The following SH2D5 variants were observed in gnomAD, a reference collection of about 807,000 sequenced individuals.
SH2D5 encodes the protein SH2 domain containing 5, also known as SH2 domain-containing protein 5.
A neutral mutation model predicts 48.2 loss-of-function variants in SH2D5; 45 were observed. That is an observed-to-expected ratio of 0.93 (90% CI 0.73 to 1.20). SH2D5 has a LOEUF of 1.20. SH2D5 is among the 50% of genes most tolerant of loss of function. The pLI is 0.00. For synonymous variants in SH2D5, 230 were observed against 249.8 expected (o/e 0.92, Z 0.75); for missense variants, 538 against 584.1 (o/e 0.92, Z 0.81).
chr1:20,722,471 C>A lies in SH2D5; in HGVS notation c.1068+285G>T, dbSNP rs576138452. 8.5e-4 allele frequency among the ~76,000 whole-genome samples: 130 copies of A among 152,334 alleles called. 1 individual carries two copies. Among genetic ancestry groups the A allele is most frequent in the African/African-American group, 2.2e-3 (90 of 41,576 alleles). Reference sequence around the variant, plus strand: ...GGGTCCTCGGTGACCAGGCACCTCCCTTCCCCTCCAAGAGCCTTCAGGTCA... The same window carrying A: ...GGGTCCTCGGTGACCAGGCACCTCCATTCCCCTCCAAGAGCCTTCAGGTCA... On this transcript the variant is annotated intron_variant, in intron 9 of 9. Transcript: ENST00000444387.
At position 20,729,578 on chromosome 1, in the gene SH2D5, C is replaced by G. The variant is rs1447335977; in HGVS notation, c.-42-1492G>C. ...GCTTGGGAGGACAGCGGGGTCTGACCACTTCTGCTCCCCTCCTTGTCCTTG... is the reference window on the plus strand; with the variant it reads ...GCTTGGGAGGACAGCGGGGTCTGACGACTTCTGCTCCCCTCCTTGTCCTTG... On this transcript the variant is annotated intron_variant, in intron 1 of 9. Transcript: ENST00000444387. The surrounding 1 kb of genome is among the most constrained non-coding windows in gnomAD (Gnocchi z 4.2). Among the ~76,000 whole-genome samples the G allele has an allele frequency of 5.3e-5, 8 of 152,168 alleles. No homozygotes were observed. The highest frequency in any genetic ancestry group is 1.0e-4 in the Non-Finnish European group (7 of 68,038).
chr1:20,724,877 T>C (rs1477908532), intron 5 of SH2D5, among the ~76,000 whole-genome samples: 1 of 152,240 alleles, frequency 6.6e-6, no homozygotes, highest in East Asian at 1.9e-4. Flanking sequence ...GGCATCACGC[T>C]TGGAGCAGAG....
At chr1:20,726,148 A>G (rs907321443) in intron 4 of SH2D5, 82 bp from the exon 5 acceptor site, 2 of 1,454,480 alleles carry the variant, frequency 1.4e-6, no homozygotes, top group African/African-American at 2.9e-5. Flanking sequence ...GGGTGAAGAA[A>G]CCCTCCCTCC....
At position 20,724,384 on chromosome 1, in the gene SH2D5, G is replaced by A; in HGVS notation, c.630+12C>T. 1 of 1,611,250 alleles carries A rather than the reference G, an allele frequency of 6.2e-7. No homozygotes were observed. Reference sequence around the variant, plus strand: ...TGTCCACTGCCCACTCCTTGGCTGGGGTGCTGCGTACCCCACTGCCCACCA... The same window carrying A: ...TGTCCACTGCCCACTCCTTGGCTGGAGTGCTGCGTACCCCACTGCCCACCA... On this transcript the variant is annotated intron_variant, in intron 6 of 9. Coordinates refer to ENST00000444387, the MANE Select transcript of SH2D5 (RefSeq NM_001103161.2).
At chr1:20,727,352 C>A (rs2054821330) in intron 3 of SH2D5, 171 bp downstream of exon 3, 1 of 681,680 alleles carries the variant, frequency 1.5e-6, no homozygotes, top group Non-Finnish European at 2.6e-6. Flanking sequence ...TAGCCCAGGG[C>A]ATAAGGGATG....
intron 2 of SH2D5, 125 bp from the exon 3 acceptor site, chr1:20,727,728 C>T (rs2054829767): frequency 2.0e-6 from 2 of 1,010,652 alleles, no homozygotes; most frequent in East Asian, 2.6e-5. Flanking sequence ...AGACAGAGCT[C>T]GATTCTCGGA....
Position 20,725,903 on chromosome 1 carries a change from C to T in SH2D5, c.390+17G>A. ...CTCCGGCCTCCGTGGCGGTCCCCTG[C>T]CTCAAGCCCCAGATACCTCTCCTGG... is the stretch of plus-strand genomic sequence containing the variant. On this transcript the variant is annotated intron_variant, in intron 5 of 9. Coordinates refer to ENST00000444387, the MANE Select transcript of SH2D5 (RefSeq NM_001103161.2). The T allele has an allele frequency of 1.2e-6, 2 of 1,611,808 alleles. No individual in the cohort carries two copies. Among genetic ancestry groups the T allele is most frequent in the Non-Finnish European group, 1.7e-6 (2 of 1,179,452 alleles).
In SH2D5 at chr1:20,723,835, T is replaced by G. The variant is rs1405119821; in HGVS notation, c.800-101A>C. The stretch of plus-strand genomic sequence containing the variant: ...CAGGGTGGTGTCCTCCCCAAGCCTC[T>G]CTACCCTGCTCAGCAGACATATCTG... On this transcript the variant is annotated intron_variant, in intron 7 of 9. Coordinates refer to ENST00000444387, the MANE Select transcript of SH2D5 (RefSeq NM_001103161.2). 8 of 1,066,612 alleles carry G rather than the reference T, an allele frequency of 7.5e-6. No individual in the cohort carries two copies. In the South Asian group the frequency reaches 1.0e-4, roughly 13 times the overall value. 66.1% of individuals were successfully genotyped at this position (1,066,612 alleles called of 1,614,324 possible). A position where few individuals can be genotyped will look rare whatever the true frequency, so the allele number is the denominator to read the frequency against.
Position 20,728,105 on chromosome 1 carries a change from G to A in SH2D5, c.-42-19C>T, listed in dbSNP as rs1049780567. 4.8e-6 allele frequency: 6 copies of A among 1,251,680 alleles called. No homozygotes were observed. Among genetic ancestry groups the A allele is most frequent in the East Asian group, 2.5e-5 (1 of 39,362 alleles). The allele number at this position is 1,251,680 out of a possible 1,614,324, so 77.5% of individuals were successfully genotyped here. On this transcript the variant is annotated intron_variant, in intron 1 of 9. Coordinates refer to ENST00000444387, the MANE Select transcript of SH2D5 (RefSeq NM_001103161.2). The surrounding 1 kb of genome is among the most constrained non-coding windows in gnomAD (Gnocchi z 4.3). ...GGGGAGGCTGCAAAGGGCAGGGGGGGAAGGGCTGCTTTCGAGGCAGGCAAG... is the reference window on the plus strand; with the variant it reads ...GGGGAGGCTGCAAAGGGCAGGGGGGAAAGGGCTGCTTTCGAGGCAGGCAAG...
rs1392565675 is a variant in SH2D5, at chr1:20,721,770, TGTGGGACCGGGGCC to T, written c.*8_*21del. ...CCAGGAGCCGGGGTGAGGCGGGGCCTGTGGGACCGGGGCCCTACCTCTTAGCCCAGGCCCTGCAG... is the reference window on the plus strand; with the variant it reads ...CCAGGAGCCGGGGTGAGGCGGGGCCTCTACCTCTTAGCCCAGGCCCTGCAG... On this transcript the variant is annotated 3_prime_UTR_variant, in exon 10 of 10. Coordinates refer to ENST00000444387, the MANE Select transcript of SH2D5 (RefSeq NM_001103161.2). The T allele has an allele frequency of 6.7e-7, 1 of 1,497,496 alleles. No individual in the cohort carries two copies. The highest frequency in any genetic ancestry group is 8.9e-7 in the Non-Finnish European group (1 of 1,117,520). The allele number at this position is 1,497,496 out of a possible 1,614,324, so 92.8% of individuals were successfully genotyped here.
rs773253146 is a variant in SH2D5, at chr1:20,727,559, G to A, written c.132C>T (p.Ser44=). ...ACAGCTGCTGCTGCACCAGCCACAC[G>A]CTCTCCTGGGTGTCCAGGTCATCCA... ...FPVDDLDTQE[S]VWLVQQQLWA... The change falls in exon 3 of 10, where the codon AGC becomes AGT. Residue 44 remains serine, a synonymous_variant. Transcript: ENST00000444387. 7 of 1,609,882 alleles carry A rather than the reference G, an allele frequency of 4.3e-6. No homozygotes were observed. In the Admixed American group the frequency reaches 5.0e-5, roughly 12 times the overall value.
intron 1 of SH2D5, among the ~76,000 whole-genome samples, chr1:20,730,010 G>A (rs1021770898): frequency 2.0e-5 from 3 of 152,158 alleles, no homozygotes; most frequent in Non-Finnish European, 2.9e-5. Context: ...ATGTGCAACC[G>A]GCACTAAAGC....
rs993925313 is a variant in SH2D5 at position 20,723,974 on chromosome 1, C to T, written c.799+109G>A. The T allele has an allele frequency of 1.2e-5, 16 of 1,387,030 alleles. No individual in the cohort carries two copies. In the African/African-American group the frequency reaches 1.3e-4, roughly 11 times the overall value. 85.9% of individuals were successfully genotyped at this position (1,387,030 alleles called of 1,614,324 possible). A position where few individuals can be genotyped will look rare whatever the true frequency, so the allele number is the denominator to read the frequency against. On this transcript the variant is annotated intron_variant, in intron 7 of 9. Transcript: ENST00000444387. ...AGTGCACAGGCATCACTTGGAGGTG[C>T]GGCCACAGCCTTGCAGGAACGGGCA...
At position 20,721,757 on chromosome 1, in the gene SH2D5, G is replaced by T. The variant is rs1169791355; in HGVS notation, c.*35C>A. 2.0e-6 allele frequency: 3 copies of T among 1,471,164 alleles called. No individual in the cohort carries two copies. The African/African-American group carries it at 4.2e-5, about 21-fold the overall frequency. 91.1% of individuals were successfully genotyped at this position (1,471,164 alleles called of 1,614,324 possible). A position where few individuals can be genotyped will look rare whatever the true frequency, so the allele number is the denominator to read the frequency against. On this transcript the variant is annotated 3_prime_UTR_variant, in exon 10 of 10. Transcript: ENST00000444387. ...ATGCTGCTGGGGCCCAGGAGCCGGG[G>T]TGAGGCGGGGCCTGTGGGACCGGGG...
chr1:20,731,510 GC>G, intron 1 of SH2D5: 1 of 152,704 alleles, frequency 6.5e-6, no homozygotes, highest in Non-Finnish European at 1.5e-5. Flanking sequence ...TGTGTGTCAG[GC>G]CCCGCCGCCG....
In SH2D5 at chr1:20,725,981, T is replaced by C; in HGVS notation, c.329A>G (p.Asn110Ser). 2 of 1,612,970 alleles carry C rather than the reference T, an allele frequency of 1.2e-6. No homozygotes were observed. Among genetic ancestry groups the C allele is most frequent in the Non-Finnish European group, 1.7e-6 (2 of 1,179,896 alleles). Reference sequence around the variant, plus strand: ...GAGCTTGCTGGCTGGGCTCCGTGGGTTTCGAGCCATGAAGGCAAACTGGCA... The same window carrying C: ...GAGCTTGCTGGCTGGGCTCCGTGGGCTTCGAGCCATGAAGGCAAACTGGCA... Reference protein sequence around the residue: ...ADCQFAFMARNPRSPASKLFC... With the variant: ...ADCQFAFMARSPRSPASKLFC... The change falls in exon 5 of 10, where the codon AAC (asparagine) becomes AGC (serine). Residue 110 changes from asparagine to serine, a missense_variant. By Grantham distance (46) the Asn-to-Ser change is conservative. Transcript: ENST00000444387.
chr1:20,725,818 G>T, intron 5 of SH2D5, 102 bp downstream of exon 5: 1 of 1,441,664 alleles, frequency 6.9e-7, no homozygotes, highest in Non-Finnish European at 9.4e-7. Context: ...GCCTGGAGGG[G>T]GATCAGGCCG....
rs762509419 is a variant in SH2D5, at chr1:20,723,752, G to A, written c.800-18C>T. The A allele has an allele frequency of 2.5e-6, 4 of 1,598,022 alleles. No homozygotes were observed. The highest frequency in any genetic ancestry group is 3.4e-5 in the Admixed American group (2 of 59,618). ...GGCAGGAACTGTGGAGACCATCCAG[G>A]AGTCAGAAGGAGAGTGGCCGAGCCC... On this transcript the variant is annotated intron_variant, in intron 7 of 9. Coordinates refer to ENST00000444387, the MANE Select transcript of SH2D5 (RefSeq NM_001103161.2).
At chr1:20,727,882 G>T in intron 2 of SH2D5, 76 bp downstream of exon 2, 2 of 1,194,724 alleles carry the variant, frequency 1.7e-6, no homozygotes, top group South Asian at 1.3e-5. Context: ...TAGGCCCGCA[G>T]CACTTCCCAA....
Sources: gnomAD v4.1 joint callset for allele counts (sites outside exome capture counted in the v4.1 genomes callset) on GRCh38, gnomAD v4.1.1 for gene constraint, Gnocchi (gnomAD v3.1) non-coding constraint, MANE v1.5 for transcripts, NCBI Gene and HGNC (gene_info 2026-07-23, HGNC 2026-07-21) for gene names.